The following POLR1A variants were observed in gnomAD, a reference collection of about 807,000 sequenced individuals.
POLR1A encodes DNA-directed RNA polymerase I subunit RPA1.
A neutral mutation model predicts 205.3 loss-of-function variants in POLR1A; 84 were observed. That is an observed-to-expected ratio of 0.41 (90% CI 0.34 to 0.49). POLR1A has a LOEUF of 0.49. Among genes scored for constraint, POLR1A ranks in the 20% least tolerant of loss-of-function variants. The pLI is 0.22. For synonymous variants in POLR1A, 799 were observed against 863.7 expected (o/e 0.93, Z 1.31); for missense variants, 1,645 against 2,204.5 (o/e 0.75, Z 5.08).
chr2:86,028,661 G>C lies in POLR1A; in HGVS notation c.4830C>G (p.Asn1610Lys). ...LYSNDIHAIANTYGIEAALRV... is the reference protein window; with the variant it reads ...LYSNDIHAIAKTYGIEAALRV... ...GCAGCGCGGCCTCAATGCCATACGT[G>C]TTGGCTATGGCGTGGATGTCGTTGG... Residue 1610 changes from asparagine (N) to lysine (K), a missense_variant, in exon 32 of 34, where the codon AAC (asparagine) becomes AAG (lysine). Physicochemically the swap from Asn to Lys is moderately conservative, Grantham distance 94. Transcript: ENST00000263857. The surrounding 1 kb of genome is among the most constrained non-coding windows in gnomAD (Gnocchi z 4.5). 1.2e-6 allele frequency: 2 copies of C among 1,614,184 alleles called. No homozygotes were observed. Among genetic ancestry groups the C allele is most frequent in the Non-Finnish European group, 1.7e-6 (2 of 1,179,980 alleles).
At position 86,049,616 on chromosome 2, in the gene POLR1A, G is replaced by A. The variant is rs560072185; in HGVS notation, c.2393-374C>T. Among the ~76,000 whole-genome samples, 109 of 152,284 alleles carry A rather than the reference G, an allele frequency of 7.2e-4. No homozygotes were observed. The South Asian group carries it at 0.022, about 31-fold the overall frequency. ...AGGCTGAAGGTGAAGAAGAGGTTTT[G>A]GATGAAAAGATAAGCTCAGGGAAAA... On this transcript the variant is annotated intron_variant, in intron 16 of 33. Coordinates refer to ENST00000263857, the MANE Select transcript of POLR1A (RefSeq NM_015425.6).
chr2:86,053,969 AC>A (rs1672852065), intron 15 of POLR1A, among the ~76,000 whole-genome samples, 170 bp downstream of exon 15: 1 of 152,204 alleles, frequency 6.6e-6, no homozygotes, highest in Non-Finnish European at 1.5e-5. Flanking sequence ...CTGGAGATCA[AC>A]CCTGAACCCT....
At chr2:86,074,950 G>A in intron 12 of POLR1A, 80 bp downstream of exon 12, 1 of 996,728 alleles carries the variant, frequency 1.0e-6, no homozygotes, top group Non-Finnish European at 1.5e-6. Context: ...GTGCGCACCG[G>A]AGCCACACCT....
At chr2:86,099,596 G>A (rs1027572857) in intron 2 of POLR1A, among the ~76,000 whole-genome samples, 2 of 151,966 alleles carry the variant, frequency 1.3e-5, no homozygotes, top group African/African-American at 4.8e-5. Context: ...ACACCTGAAG[G>A]GCTCAGGGAG....
chr2:86,088,606 C>G lies in POLR1A; in HGVS notation c.690G>C (p.Met230Ile). The G allele has an allele frequency of 6.2e-7, 1 of 1,614,022 alleles. No individual in the cohort carries two copies. The highest frequency in any genetic ancestry group is 8.5e-7 in the Non-Finnish European group (1 of 1,179,874). Reference protein sequence around the residue: ...NSKLTITFPAMVHRTAGQKDS... With the variant: ...NSKLTITFPAIVHRTAGQKDS... ...CCTTCTGGCCAGCTGTCCTGTGCAC[C>G]ATGGCTGGAAACGTGATAGTCAACT... The change falls in exon 6 of 34, where the codon ATG becomes ATC. Residue 230 changes from methionine (M) to isoleucine (I), a missense_variant. Transcript: ENST00000263857.
At chr2:86,031,702 G>C (rs979225573) in intron 29 of POLR1A, 67 bp from the exon 30 acceptor site, 1 of 1,554,874 alleles carries the variant, frequency 6.4e-7, no homozygotes, top group African/African-American at 1.4e-5. Context: ...TCTGCCTGTG[G>C]AACAAAGACC....
At chr2:86,075,306 A>G (rs778005654) in intron 11 of POLR1A, 46 bp from the exon 12 acceptor site, 3 of 1,376,178 alleles carry the variant, frequency 2.2e-6, no homozygotes, top group Non-Finnish European at 3.0e-6. Context: ...GGGATAAAAA[A>G]AGGTCTGATG....
In POLR1A at chr2:86,031,501, G is replaced by A; in HGVS notation, c.4407C>T (p.Gly1469=). Residue 1469 remains glycine (G), a synonymous_variant, in exon 30 of 34, where the codon GGC becomes GGT. Coordinates refer to ENST00000263857, the MANE Select transcript of POLR1A (RefSeq NM_015425.6). ...CGGGAAGGGACGGGTCCTCCTCAGT[G>A]CCTAAGCCCACCTCTTCATCTTGCT... ...TQEQDEEVGL[G]TEEDPSLPAL... 6.2e-7 allele frequency: 1 copy of A among 1,614,180 alleles called. No individual in the cohort carries two copies. Among genetic ancestry groups the A allele is most frequent in the African/African-American group, 1.3e-5 (1 of 75,056 alleles).
chr2:86,042,146 A>G (rs1397226529), intron 23 of POLR1A, 43 bp from the exon 24 acceptor site: 3 of 1,395,590 alleles, frequency 2.1e-6, no homozygotes. Flanking sequence ...AGGGATACCC[A>G]GTAGCATAAG....
intron 3 of POLR1A, among the ~76,000 whole-genome samples, chr2:86,096,788 G>A (rs1258165483): frequency 6.6e-6 from 1 of 151,982 alleles, no homozygotes; most frequent in African/African-American, 2.4e-5. Flanking sequence ...ATTGATCAAT[G>A]ACCTAAATAT....
chr2:86,045,667 T>G lies in POLR1A; in HGVS notation c.2836A>C (p.Arg946=). The G allele has an allele frequency of 6.2e-7, 1 of 1,613,840 alleles. No homozygotes were observed. Among genetic ancestry groups the G allele is most frequent in the South Asian group, 1.1e-5 (1 of 91,046 alleles). ...CTGCCAGTGACAAAGCCACCAGCCC[T>G]GGGGGTGAACTCATAAGGCTCAAAG... The part of the protein sequence containing the change: ...PCFEPYEFTP[R]AGGFVTGRFL... Residue 946 remains arginine, a synonymous_variant, in exon 20 of 34, where the codon AGG becomes CGG. Coordinates refer to ENST00000263857, the MANE Select transcript of POLR1A (RefSeq NM_015425.6).
chr2:86,055,438 A>G (rs1017353798), intron 14 of POLR1A, among the ~76,000 whole-genome samples: 1 of 152,228 alleles, frequency 6.6e-6, no homozygotes, highest in Non-Finnish European at 1.5e-5. Context: ...GCAGAAGATG[A>G]CCAGAAAGGT....
chr2:86,062,587 T>C (rs545699314), intron 14 of POLR1A, among the ~76,000 whole-genome samples: 1 of 150,960 alleles, frequency 6.6e-6, no homozygotes, highest in African/African-American at 2.4e-5. Flanking sequence ...AATTTATACA[T>C]AAAATGCCTA....
At chr2:86,038,305 TG>T (rs982927630) in intron 27 of POLR1A, among the ~76,000 whole-genome samples, 2 of 152,256 alleles carry the variant, frequency 1.3e-5, no homozygotes, top group African/African-American at 4.8e-5. Flanking sequence ...CACATTATAC[TG>T]CCTGCAGTAA....
rs1269630134 is a variant in POLR1A, at chr2:86,070,986, TAGC to T, written c.1612-717_1612-715del. Among the ~76,000 whole-genome samples the T allele has an allele frequency of 2.0e-5, 3 of 152,012 alleles. No individual in the cohort carries two copies. Among genetic ancestry groups the T allele is most frequent in the Non-Finnish European group, 4.4e-5 (3 of 68,008 alleles). On this transcript the variant is annotated intron_variant, in intron 12 of 33. Transcript: ENST00000263857. This position sits in a 1 kb window ranked among gnomAD's most constrained non-coding sequence, Gnocchi z 4.4. The stretch of plus-strand genomic sequence containing the variant: ...GGTTAGATGAGTATGTATGTTTGTG[TAGC>T]AGCATTTACAGCGGCAAAAACTAGA...
At chr2:86,090,373 C>A (rs769793118) in intron 3 of POLR1A, among the ~76,000 whole-genome samples, 1 of 119,628 alleles carries the variant, frequency 8.4e-6, no homozygotes, top group Non-Finnish European at 1.7e-5. Context: ...GGGTACAGAG[C>A]CAGACACCAT....
At chr2:86,056,936 G>C (rs1393594127) in intron 14 of POLR1A, among the ~76,000 whole-genome samples, 1 of 152,210 alleles carries the variant, frequency 6.6e-6, no homozygotes, top group Non-Finnish European at 1.5e-5. Flanking sequence ...GGAAATTAAT[G>C]CTGTTTTCAT....
rs1208427854 is a variant in POLR1A at position 86,033,849 on chromosome 2, T to C, written c.4035-62A>G. 1.1e-5 allele frequency: 17 copies of C among 1,590,376 alleles called. No homozygotes were observed. The South Asian group carries it at 1.1e-4, about 11-fold the overall frequency. On this transcript the variant is annotated intron_variant, in intron 27 of 33. Coordinates refer to ENST00000263857, the MANE Select transcript of POLR1A (RefSeq NM_015425.6). ...ACCAGCATGTCCAGCCCTACCCTCATTTGGGGGATAGGACGCTGAGGGATT... is the reference window on the plus strand; with the variant it reads ...ACCAGCATGTCCAGCCCTACCCTCACTTGGGGGATAGGACGCTGAGGGATT...
At chr2:86,095,035 C>A (rs1418776214) in intron 3 of POLR1A, among the ~76,000 whole-genome samples, 1 of 152,236 alleles carries the variant, frequency 6.6e-6, no homozygotes, top group Non-Finnish European at 1.5e-5. Flanking sequence ...ATCCTCCTTA[C>A]CCTATTCGAG....
Sources: allele counts gnomAD v4.1 joint callset (sites outside exome capture counted in the v4.1 genomes callset), GRCh38; gene constraint gnomAD v4.1.1; non-coding constraint Gnocchi (gnomAD v3.1); transcripts MANE v1.5; gene names NCBI Gene and HGNC (gene_info 2026-07-23, HGNC 2026-07-21).